Variants in PTPRR observed in about 807,000 individuals in gnomAD.
The protein encoded by PTPRR is protein tyrosine phosphatase receptor type R.
A neutral mutation model predicts 77.2 loss-of-function variants in PTPRR; 38 were observed. The ratio of observed to expected loss-of-function variants is 0.49; its 90% CI spans 0.38 to 0.65. The LOEUF is 0.65. Ranked by LOEUF, PTPRR falls within the 30% of genes least tolerant of loss-of-function variation. The pLI, the probability that PTPRR is intolerant of heterozygous loss-of-function variation, is 0.00. For missense variants in PTPRR, 744 were observed against 799.2 expected, an observed-to-expected ratio of 0.93 and a Z score of 0.83; for synonymous variants, 299 against 283.1, an observed-to-expected ratio of 1.06 and a Z score of -0.57.
At chr12:70,919,352 T>A (rs1278970519) in intron 1 of PTPRR, among the ~76,000 whole-genome samples, 1 of 152,210 alleles carries the variant, frequency 6.6e-6, no homozygotes, top group African/African-American at 2.4e-5. Flanking sequence ...CATGGACAAC[T>A]GCTGTCACAG....
intron 5 of PTPRR, among the ~76,000 whole-genome samples, chr12:70,752,221 G>T (rs35007490): frequency 8.5e-5 from 13 of 152,186 alleles, no homozygotes; most frequent in African/African-American, 2.4e-4. Context: ...AAATAGACCC[G>T]CAGAGAATAT....
chr12:70,711,221 C>T (rs1304835677), intron 6 of PTPRR, among the ~76,000 whole-genome samples: 2 of 151,982 alleles, frequency 1.3e-5, no homozygotes, highest in Non-Finnish European at 2.9e-5. Context: ...AAAAAAAGAA[C>T]GAGATTATGT....
At chr12:70,666,203 G>A (rs1425293099) in intron 10 of PTPRR, among the ~76,000 whole-genome samples, 1 of 152,000 alleles carries the variant, frequency 6.6e-6, no homozygotes, top group Non-Finnish European at 1.5e-5. Flanking sequence ...TGCCTTGGGG[G>A]GCTAGAATTT....
chr12:70,775,662 C>T (rs1442940531), intron 2 of PTPRR, among the ~76,000 whole-genome samples: 1 of 152,132 alleles, frequency 6.6e-6, no homozygotes, highest in Non-Finnish European at 1.5e-5. Context: ...TAAGAGATGC[C>T]TCAAGGCTCC....
chr12:70,756,499 G>A (rs1184954759), intron 4 of PTPRR, among the ~76,000 whole-genome samples: 2 of 152,106 alleles, frequency 1.3e-5, no homozygotes, highest in African/African-American at 4.8e-5. Context: ...TTTGCATAGG[G>A]TTAACCCCAT....
chr12:70,907,276 C>A (rs1018112739), intron 1 of PTPRR, among the ~76,000 whole-genome samples: 2 of 152,152 alleles, frequency 1.3e-5, no homozygotes, highest in African/African-American at 2.4e-5. Flanking sequence ...AAGAGAAGAA[C>A]CTGAATCCCA....
intron 2 of PTPRR, among the ~76,000 whole-genome samples, chr12:70,785,783 G>A (rs1019277446): frequency 5.9e-5 from 9 of 152,112 alleles, no homozygotes; most frequent in African/African-American, 1.9e-4. Flanking sequence ...GAAAAATCAC[G>A]ATTTAACCAC....
chr12:70,849,214 G>A lies in PTPRR; in HGVS notation c.357+43465C>T, dbSNP rs1311986452. Among the ~76,000 whole-genome samples, 3 of 152,034 alleles carry A rather than the reference G, an allele frequency of 2.0e-5. No individual in the cohort carries two copies. The East Asian group carries it at 5.8e-4, about 29-fold the overall frequency. On this transcript the variant is annotated intron_variant, in intron 2 of 13. Coordinates refer to ENST00000283228, the MANE Select transcript of PTPRR (RefSeq NM_002849.4). ...TCCAAAGGTAGATATTTGAACCATG[G>A]AAGTAGATATAAGAGATAAATTTCT...
At chr12:70,753,419 T>C (rs1017629246) in intron 5 of PTPRR, among the ~76,000 whole-genome samples, 4 of 152,164 alleles carry the variant, frequency 2.6e-5, no homozygotes, top group Non-Finnish European at 5.9e-5. Flanking sequence ...AAAAAGGACA[T>C]TAAAACCTAT....
chr12:70,653,886 C>T (rs1886483584), intron 13 of PTPRR, among the ~76,000 whole-genome samples: 1 of 152,072 alleles, frequency 6.6e-6, no homozygotes, highest in Admixed American at 6.6e-5. Flanking sequence ...TGATGAACTG[C>T]TTCTAGAGTT....
chr12:70,810,396 G>A (rs766140619), intron 2 of PTPRR, among the ~76,000 whole-genome samples: 9 of 152,086 alleles, frequency 5.9e-5, no homozygotes, highest in Non-Finnish European at 1.2e-4. Context: ...CTTTAAGAAC[G>A]TAGACATAAT....
intron 1 of PTPRR, among the ~76,000 whole-genome samples, chr12:70,902,113 C>CAAT (rs1893545420): frequency 6.6e-6 from 1 of 151,610 alleles, no homozygotes; most frequent in African/African-American, 2.4e-5. Context: ...AACCACAATG[C>CAAT]AATACCACCT....
At chr12:70,849,121 G>A (rs1476960014) in intron 2 of PTPRR, among the ~76,000 whole-genome samples, 1 of 152,074 alleles carries the variant, frequency 6.6e-6, no homozygotes, top group Non-Finnish European at 1.5e-5. Flanking sequence ...GATGTAGGTA[G>A]AATTTATTAG....
chr12:70,743,192 A>G (rs1890108176), intron 6 of PTPRR, among the ~76,000 whole-genome samples: 1 of 152,178 alleles, frequency 6.6e-6, no homozygotes, highest in Admixed American at 6.5e-5. Flanking sequence ...GCCATGCAAG[A>G]AACAGAAAAA....
chr12:70,666,615 AG>A, intron 10 of PTPRR, among the ~76,000 whole-genome samples: 1 of 152,354 alleles, frequency 6.6e-6, no homozygotes, highest in South Asian at 2.1e-4. Context: ...CAGTCAAATC[AG>A]GGACAGGTGA....
intron 2 of PTPRR, among the ~76,000 whole-genome samples, chr12:70,805,110 T>A (rs1001353024): frequency 2.0e-5 from 3 of 152,136 alleles, no homozygotes; most frequent in Non-Finnish European, 4.4e-5. Context: ...CACTTAATAT[T>A]TGATGCCATT....
intron 2 of PTPRR, among the ~76,000 whole-genome samples, chr12:70,869,909 C>T (rs922181824): frequency 3.3e-5 from 5 of 152,312 alleles, no homozygotes; most frequent in Middle Eastern, 3.4e-3. Context: ...CTTGAAGCTA[C>T]CATGTTTGCA....
At chr12:70,765,012 T>C (rs1381562155) in intron 2 of PTPRR, among the ~76,000 whole-genome samples, 1 of 152,146 alleles carries the variant, frequency 6.6e-6, no homozygotes, top group Non-Finnish European at 1.5e-5. Flanking sequence ...GTTAAAAAGA[T>C]GTATTATAGG....
chr12:70,810,157 G>T (rs542447981), intron 2 of PTPRR, among the ~76,000 whole-genome samples: 1 of 152,158 alleles, frequency 6.6e-6, no homozygotes, highest in Non-Finnish European at 1.5e-5. Context: ...GTAAGCATCA[G>T]ATGGTTTGTG....
Sources: gnomAD v4.1 joint callset for allele counts (sites outside exome capture counted in the v4.1 genomes callset) on GRCh38, gnomAD v4.1.1 for gene constraint, MANE v1.5 for transcripts, NCBI Gene and HGNC (gene_info 2026-07-23, HGNC 2026-07-21) for gene names.